Variants in C10orf67 observed in about 807,000 individuals in gnomAD.
The protein encoded by C10orf67 is chromosome 10 open reading frame 67, also known as uncharacterized protein C10orf67, mitochondrial.
A neutral mutation model predicts 35.6 loss-of-function variants in C10orf67; 60 were observed. The observed-to-expected ratio is 1.68, with a 90% CI of 1.37 to 2.09. C10orf67 has a LOEUF of 2.09. C10orf67 is among the 30% of genes most tolerant of loss of function. C10orf67 has a pLI of 0.00. For missense variants in C10orf67, 474 were observed against 330.2 expected, an observed-to-expected ratio of 1.44 and a Z score of -3.38; for synonymous variants, 167 against 115.8, an observed-to-expected ratio of 1.44 and a Z score of -2.84.
chr10:23,289,988 A>G, intron 6 of C10orf67, 30 bp from the exon 7 acceptor site: 1 of 715,776 alleles, frequency 1.4e-6, no homozygotes, highest in South Asian at 1.5e-5. Context: ...GAGGCCAACC[A>G]TGAAATTACA....
At chr10:23,334,778 G>A (rs1845610740) in intron 1 of C10orf67, among the ~76,000 whole-genome samples, 2 of 152,248 alleles carry the variant, frequency 1.3e-5, no homozygotes, top group Non-Finnish European at 2.9e-5. Context: ...CACCAGAGGA[G>A]AGGTTTCTTC....
intron 15 of C10orf67, among the ~76,000 whole-genome samples, chr10:23,209,326 G>A (rs1841243201): frequency 6.6e-6 from 1 of 152,188 alleles, no homozygotes; most frequent in Non-Finnish European, 1.5e-5. Context: ...GAGAGCCTGA[G>A]AAGGGTGCTC....
chr10:23,285,527 T>C (rs932969429), intron 7 of C10orf67, among the ~76,000 whole-genome samples: 5 of 151,780 alleles, frequency 3.3e-5, no homozygotes, highest in African/African-American at 1.2e-4. Context: ...TATCCCAATA[T>C]ATATTCAAAA....
chr10:23,208,677 G>C (rs748851327), intron 15 of C10orf67, among the ~76,000 whole-genome samples: 44 of 152,318 alleles, frequency 2.9e-4, no homozygotes, highest in Admixed American at 5.9e-4. Flanking sequence ...GATTAACAAA[G>C]AGAAGGTAAA....
At chr10:23,205,652 C>T (rs1841138175) in intron 15 of C10orf67, among the ~76,000 whole-genome samples, 1 of 152,080 alleles carries the variant, frequency 6.6e-6, no homozygotes, top group African/African-American at 2.4e-5. Flanking sequence ...AAATAAATGT[C>T]CTGAACAATC....
intron 10 of C10orf67, among the ~76,000 whole-genome samples, chr10:23,259,958 T>A (rs1445671135): frequency 6.6e-6 from 1 of 152,122 alleles, no homozygotes; most frequent in African/African-American, 2.4e-5. Context: ...ACAGACATAT[T>A]CGAAGGTAAA....
At chr10:23,267,334 C>A in intron 8 of C10orf67, 80 bp from the exon 9 acceptor site, 1 of 629,538 alleles carries the variant, frequency 1.6e-6, no homozygotes, top group South Asian at 1.9e-5. Context: ...CTTCTATAAG[C>A]AATGAAAGAG....
rs745997874 is a variant in C10orf67, at chr10:23,249,372, C to T, written c.1346+1083G>A. On this transcript the variant is annotated intron_variant, in intron 12 of 15. Transcript: ENST00000636213. ...TTTTCTTTTGTCTCACATGTATCTA[C>T]GTTCTGTTCTTAAATAACTATGTGA... is the stretch of plus-strand genomic sequence containing the variant. 1.1e-4 allele frequency among the ~76,000 whole-genome samples: 17 copies of T among 152,082 alleles called. 1 individual carries two copies. The highest frequency in any genetic ancestry group is 2.0e-4 in the Admixed American group (3 of 15,258).
At chr10:23,292,885 G>T (rs1843762788) in intron 5 of C10orf67, among the ~76,000 whole-genome samples, 1 of 152,128 alleles carries the variant, frequency 6.6e-6, no homozygotes, top group South Asian at 2.1e-4. Context: ...AACCTAGTAA[G>T]TAGTTAATAA....
chr10:23,274,731 A>G (rs1843133074), intron 8 of C10orf67, among the ~76,000 whole-genome samples: 1 of 152,144 alleles, frequency 6.6e-6, no homozygotes, highest in Non-Finnish European at 1.5e-5. Context: ...TCCTGAGGTG[A>G]CATACATCCT....
chr10:23,343,324 G>T (rs1845986016), intron 1 of C10orf67, among the ~76,000 whole-genome samples: 1 of 152,108 alleles, frequency 6.6e-6, no homozygotes, highest in African/African-American at 2.4e-5. Flanking sequence ...TGTGGGGGAC[G>T]TGGGGGAAAA....
At chr10:23,271,468 T>A (rs544503200) in intron 8 of C10orf67, among the ~76,000 whole-genome samples, 5 of 152,238 alleles carry the variant, frequency 3.3e-5, no homozygotes, top group Non-Finnish European at 5.9e-5. Flanking sequence ...CTGTTAAGTA[T>A]AGAATTTTAG....
At chr10:23,306,565 C>T (rs1034446506) in intron 4 of C10orf67, among the ~76,000 whole-genome samples, 2 of 146,414 alleles carry the variant, frequency 1.4e-5, no homozygotes, top group African/African-American at 5.0e-5. Flanking sequence ...TGGTGGTTGA[C>T]AAAGGCTGGA....
intron 12 of C10orf67, among the ~76,000 whole-genome samples, chr10:23,247,309 T>C (rs111651079): frequency 1.3e-3 from 191 of 152,304 alleles, no homozygotes; most frequent in African/African-American, 4.5e-3. Flanking sequence ...CTTTATCTTT[T>C]ATACCGCATT....
At chr10:23,216,160 T>C (rs563405267) in intron 15 of C10orf67, among the ~76,000 whole-genome samples, 248 of 152,272 alleles carry the variant, frequency 1.6e-3, no homozygotes, top group Non-Finnish European at 3.0e-3. Flanking sequence ...TCAGAATGTA[T>C]AGACTCCTAT....
At chr10:23,263,717 C>T (rs1842811829) in intron 10 of C10orf67, among the ~76,000 whole-genome samples, 1 of 152,160 alleles carries the variant, frequency 6.6e-6, no homozygotes, top group Admixed American at 6.5e-5. Flanking sequence ...GTATTGGGTG[C>T]AACCATAATT....
intron 12 of C10orf67, among the ~76,000 whole-genome samples, chr10:23,241,641 A>G (rs1273667642): frequency 5.3e-5 from 8 of 152,190 alleles, no homozygotes; most frequent in Non-Finnish European, 1.2e-4. Flanking sequence ...ATTATTCTAG[A>G]TTATTTAGTG....
intron 10 of C10orf67, among the ~76,000 whole-genome samples, chr10:23,257,192 A>T (rs114458150): frequency 6.6e-6 from 1 of 152,182 alleles, no homozygotes; most frequent in Non-Finnish European, 1.5e-5. Context: ...CCCAAGACCA[A>T]CTTCAGATAC....
intron 12 of C10orf67, among the ~76,000 whole-genome samples, chr10:23,243,065 T>C (rs548924558): frequency 6.6e-6 from 1 of 152,248 alleles, no homozygotes; most frequent in South Asian, 2.1e-4. Context: ...CTTAACCAAA[T>C]AGTTAAGCAG....
Sources: allele counts gnomAD v4.1 joint callset (sites outside exome capture counted in the v4.1 genomes callset), GRCh38; gene constraint gnomAD v4.1.1; transcripts MANE v1.5; gene names NCBI Gene and HGNC (gene_info 2026-07-23, HGNC 2026-07-21).